PIDD1: variants seen among roughly 807,000 people sequenced by gnomAD.
The protein encoded by PIDD1 is p53-induced death domain-containing protein 1.
Under a neutral mutation model 80.0 loss-of-function variants are expected in PIDD1, and 72 were observed. The ratio of observed to expected loss-of-function variants is 0.90; its 90% CI spans 0.74 to 1.09. PIDD1 has a LOEUF of 1.09. Ranked by LOEUF, PIDD1 falls within the 50% of genes least tolerant of loss-of-function variation. The pLI, the probability that PIDD1 is intolerant of heterozygous loss-of-function variation, is 0.00. For missense variants in PIDD1, 1,329 were observed against 1,228.3 expected, an observed-to-expected ratio of 1.08 and a Z score of -1.23; for synonymous variants, 655 against 543.5, an observed-to-expected ratio of 1.21 and a Z score of -2.85.
chr11:803,937 G>T, intron 2 of PIDD1, 157 bp downstream of exon 2: 1 of 833,862 alleles, frequency 1.2e-6, no homozygotes, highest in Non-Finnish European at 1.8e-6. Flanking sequence ...GATGGCGATG[G>T]GGCTGGACAG....
At chr11:800,521 G>T in intron 12 of PIDD1, 22 bp downstream of exon 12, 1 of 1,609,818 alleles carries the variant, frequency 6.2e-7, no homozygotes, top group Non-Finnish European at 8.5e-7. Context: ...CCAGGGCAGG[G>T]AGCATCCACC....
rs747147594 is a variant in PIDD1 at position 802,801 on chromosome 11, C to A, written c.800G>T (p.Arg267Leu). Residue 267 changes from arginine to leucine, a missense_variant, in exon 4 of 16, where the codon CGG (arginine) becomes CTG (leucine). Coordinates refer to ENST00000347755, the MANE Select transcript of PIDD1 (RefSeq NM_145886.4). ...ADLARLPLLT[R>L]LDLRDNQLRD... ...GAGCTGGTTGTCCCTCAGGTCGAGC[C>A]GGGTGAGGAGTGGAAGGCGGGCCAA... 1.2e-6 allele frequency: 2 copies of A among 1,604,866 alleles called. No homozygotes were observed. The highest frequency in any genetic ancestry group is 1.7e-6 in the Non-Finnish European group (2 of 1,176,446).
At chr11:800,288 A>G in intron 13 of PIDD1, 44 bp from the exon 14 acceptor site, 2 of 1,612,400 alleles carry the variant, frequency 1.2e-6, no homozygotes, top group Non-Finnish European at 1.7e-6. Context: ...TCCTCTGCCC[A>G]AGCGGCCTGG....
intron 14 of PIDD1, 37 bp downstream of exon 14, chr11:800,094 G>C (rs781297327): frequency 5.0e-6 from 8 of 1,604,242 alleles, no homozygotes; most frequent in Admixed American, 1.7e-5. Context: ...CCTGGGCCTC[G>C]GTCCTGCCCC....
In PIDD1 at chr11:803,121, G is replaced by C. The variant is rs1297644259; in HGVS notation, c.709+53C>G. The C allele has an allele frequency of 2.3e-6, 3 of 1,332,038 alleles. No individual in the cohort carries two copies. In the African/African-American group the frequency reaches 4.4e-5, roughly 19 times the overall value. The allele number at this position is 1,332,038 out of a possible 1,614,324, so 82.5% of individuals were successfully genotyped here. A position where few individuals can be genotyped will look rare whatever the true frequency, so the allele number is the denominator to read the frequency against. The stretch of plus-strand genomic sequence containing the variant: ...AGAGGCCCCTGCAGAAGACAGGCAG[G>C]CTTCAGGGACCCTCCCGTGGGGCCA... On this transcript the variant is annotated intron_variant, in intron 3 of 15. Transcript: ENST00000347755.
chr11:800,534 C>T lies in PIDD1; in HGVS notation c.2041+9G>A. ...CTCCAGGGCAGGGAGCATCCACCAG[C>T]ATCCCTACCAGCATCCACGTCGATG... is the stretch of plus-strand genomic sequence containing the variant. On this transcript the variant is annotated intron_variant, in intron 12 of 15. Transcript: ENST00000347755. 6.2e-7 allele frequency: 1 copy of T among 1,608,840 alleles called. No homozygotes were observed.
At position 802,243 on chromosome 11, in the gene PIDD1, C is replaced by G; in HGVS notation, c.1128G>C (p.Leu376=). 6.2e-7 allele frequency: 1 copy of G among 1,611,694 alleles called. No individual in the cohort carries two copies. Among genetic ancestry groups the G allele is most frequent in the Non-Finnish European group, 8.5e-7 (1 of 1,179,476 alleles). ...GCTGCAGCTCCAGCACATGGCTGAGCAGGGCGTCATGAGGACCCAGGGGGA... is the reference window on the plus strand; with the variant it reads ...GCTGCAGCTCCAGCACATGGCTGAGGAGGGCGTCATGAGGACCCAGGGGGA... ...GLVPLGPHDA[L]LSHVLELQPH... Residue 376 remains leucine, a synonymous_variant, in exon 6 of 16, where the codon CTG becomes CTC. Transcript: ENST00000347755.
upstream of PIDD1, among the ~76,000 whole-genome samples, chr11:808,084 G>A (rs1865869684): frequency 6.6e-6 from 1 of 151,534 alleles, no homozygotes; most frequent in African/African-American, 2.4e-5. Flanking sequence ...TGGGGGAGCA[G>A]GGAATAGGGA....
upstream of PIDD1, among the ~76,000 whole-genome samples, chr11:806,526 C>T (rs911494587): frequency 5.3e-5 from 8 of 152,140 alleles, no homozygotes; most frequent in Non-Finnish European, 1.2e-4. Flanking sequence ...CAGGTCTCTT[C>T]CAGGCCTCCC....
rs1454837631 is a variant in PIDD1, at chr11:801,086, C to G, written c.1665G>C (p.Leu555Phe). ...AGGTGGCTGCAGGAGGGGCCCAGTA[C>G]AACAGGTGCAGGCGGGAGCGGTCCA... ...LSLDRSRLHLLYWAPPAATWD... is the reference protein window; with the variant it reads ...LSLDRSRLHLFYWAPPAATWD... Residue 555 changes from leucine (L) to phenylalanine (F), a missense_variant, in exon 10 of 16, where the codon TTG (leucine) becomes TTC (phenylalanine). By Grantham distance (22) the Leu-to-Phe change is conservative. Transcript: ENST00000347755. 1.3e-6 allele frequency: 2 copies of G among 1,592,654 alleles called. No individual in the cohort carries two copies. Among genetic ancestry groups the G allele is most frequent in the African/African-American group, 1.3e-5 (1 of 74,664 alleles).
rs1045179145 is a variant in PIDD1, at chr11:804,781, G to A, written c.-75-318C>T. ...GGAGCCGTGGAGCTGCGAGGTCATA[G>A]GGGCTGTTCCCCAGTCCTGGAGATG... On this transcript the variant is annotated intron_variant, in intron 1 of 15. Transcript: ENST00000347755. The A allele has an allele frequency of 1.9e-5, 4 of 207,046 alleles. No homozygotes were observed. The Admixed American group carries it at 2.3e-4, about 12-fold the overall frequency. 12.8% of individuals were successfully genotyped at this position (207,046 alleles called of 1,614,324 possible).
rs563929707 is a variant in PIDD1 at position 802,868 on chromosome 11, G to T, written c.733C>A (p.Leu245Ile). 1.3e-4 allele frequency: 197 copies of T among 1,574,694 alleles called. 2 individuals carry two copies. The Admixed American group carries it at 3.6e-3, about 29-fold the overall frequency. ...SLAGLRSLRL[L>I]VLHSNLLASV... ...GCCAGGAGGTTGCTGTGCAGGACAAGGAGCCGCAAGGACCGAAGTCCCGCT... is the reference window on the plus strand; with the variant it reads ...GCCAGGAGGTTGCTGTGCAGGACAATGAGCCGCAAGGACCGAAGTCCCGCT... Residue 245 changes from leucine to isoleucine, a missense_variant, in exon 4 of 16, where the codon CTT becomes ATT. Leu to Ile is a conservative substitution (Grantham distance 5). Coordinates refer to ENST00000347755, the MANE Select transcript of PIDD1 (RefSeq NM_145886.4).
In PIDD1 at chr11:799,570, A is replaced by G; in HGVS notation, c.2475-5T>C. The G allele has an allele frequency of 6.3e-7, 1 of 1,591,008 alleles. No individual in the cohort carries two copies. Among genetic ancestry groups the G allele is most frequent in the Non-Finnish European group, 8.5e-7 (1 of 1,172,668 alleles). Reference sequence around the variant, plus strand: ...ATCTGCTCATCCAGATCATCCCTGCAGGCAGAGGATGGGCGACAGAGGGGT... The same window carrying G: ...ATCTGCTCATCCAGATCATCCCTGCGGGCAGAGGATGGGCGACAGAGGGGT... On this transcript the variant is annotated splice_region_variant and splice_polypyrimidine_tract_variant and intron_variant, in intron 15 of 15. Coordinates refer to ENST00000347755, the MANE Select transcript of PIDD1 (RefSeq NM_145886.4).
Position 804,451 on chromosome 11 carries a change from G to C in PIDD1, c.-63C>G. ...GCACGCAGGCAGGCCTGTCCAGGCA[G>C]CGCCCGGGGAAGCTGCAGAGGCAGG... is the stretch of plus-strand genomic sequence containing the variant. On this transcript the variant is annotated 5_prime_UTR_variant, in exon 2 of 16. Coordinates refer to ENST00000347755, the MANE Select transcript of PIDD1 (RefSeq NM_145886.4). 6.6e-7 allele frequency: 1 copy of C among 1,514,854 alleles called. No individual in the cohort carries two copies. The highest frequency in any genetic ancestry group is 8.8e-7 in the Non-Finnish European group (1 of 1,136,336). The allele number at this position is 1,514,854 out of a possible 1,614,324, so 93.8% of individuals were successfully genotyped here.
chr11:806,098 G>GAAA (rs780270179), upstream of PIDD1: 236 of 98,536 alleles, frequency 2.4e-3, 2 homozygotes, highest in African/African-American at 8.6e-3. Flanking sequence ...GACTCCGTCT[G>GAAA]AAAAAAAAAA....
chr11:804,885 G>A (rs1447854956), intron 1 of PIDD1: 3 of 156,078 alleles, frequency 1.9e-5, no homozygotes, highest in African/African-American at 4.8e-5. Flanking sequence ...CGCCCCGAAA[G>A]TCAGGGAAGG....
rs758445856 is a variant in PIDD1 at position 801,514 on chromosome 11, C to T, written c.1413G>A (p.Ser471=). The T allele has an allele frequency of 4.1e-5, 64 of 1,557,092 alleles. No homozygotes were observed. The highest frequency in any genetic ancestry group is 1.7e-4 in the Middle Eastern group (1 of 5,956). ...VPPEGTLLCS[S]GHPGVKVIFP... ...AGATGACTTTGACCCCAGGATGACC[C>T]GAGGAGCACAGCAGTGTCCCCTCCG... is the stretch of plus-strand genomic sequence containing the variant. Residue 471 remains serine, a synonymous_variant, in exon 8 of 16, where the codon TCG becomes TCA. Transcript: ENST00000347755.
intron 3 of PIDD1, 40 bp from the exon 4 acceptor site, chr11:802,931 C>T: frequency 2.0e-6 from 3 of 1,506,768 alleles, no homozygotes; most frequent in Non-Finnish European, 2.7e-6. Context: ...ACCAGCCCAG[C>T]CCACGGCGCT....
intron 2 of PIDD1, 21 bp from the exon 3 acceptor site, chr11:803,608 T>C (rs368736735): frequency 1.9e-6 from 3 of 1,590,050 alleles, no homozygotes; most frequent in East Asian, 2.3e-5. Context: ...GGGAGGCGGA[T>C]GTGGCCCTCA....
Sources: gnomAD v4.1 joint callset for allele counts (sites outside exome capture counted in the v4.1 genomes callset) on GRCh38, gnomAD v4.1.1 for gene constraint, MANE v1.5 for transcripts, NCBI Gene and HGNC (gene_info 2026-07-23, HGNC 2026-07-21) for gene names.